The following PRKCZ variants were observed in gnomAD, a reference collection of about 807,000 sequenced individuals.
PRKCZ encodes protein kinase C zeta, also known as protein kinase C zeta type.
In PRKCZ, 33 loss-of-function variants were observed where a neutral mutation model predicts 79.5. The observed-to-expected ratio is 0.41, with a 90% CI of 0.31 to 0.55. PRKCZ has a LOEUF of 0.55. Ranked by LOEUF, PRKCZ falls within the 20% of genes least tolerant of loss-of-function variation. The pLI is 0.19. For synonymous variants in PRKCZ, 342 were observed against 320.9 expected (o/e 1.07, Z -0.70); for missense variants, 578 against 813.5 (o/e 0.71, Z 3.52).
At chr1:2,184,405 T>C in intron 16 of PRKCZ, 178 bp from the exon 17 acceptor site, 1 of 571,550 alleles carries the variant, frequency 1.7e-6, no homozygotes, top group Non-Finnish European at 3.1e-6. Context: ...TTTTTCTGAC[T>C]TTGGATATTT....
At position 2,094,274 on chromosome 1, in the gene PRKCZ, C is replaced by T. The variant is rs962684580; in HGVS notation, c.334+34683C>T. On this transcript the variant is annotated intron_variant, in intron 4 of 17. Transcript: ENST00000378567. This position sits in a 1 kb window ranked among gnomAD's most constrained non-coding sequence, Gnocchi z 7.3. ...CTGGTGACCCGAGGGTACCCTCGGC[C>T]TCCCGGCCTGAACTCTTCTCCTACC... is the stretch of plus-strand genomic sequence containing the variant. Among the ~76,000 whole-genome samples, 2 of 152,186 alleles carry T rather than the reference C, an allele frequency of 1.3e-5. No individual in the cohort carries two copies. Among genetic ancestry groups the T allele is most frequent in the Non-Finnish European group, 2.9e-5 (2 of 68,038 alleles).
intron 10 of PRKCZ, chr1:2,169,097 C>T (rs1294179656): frequency 8.8e-6 from 4 of 455,088 alleles, no homozygotes; most frequent in South Asian, 4.7e-5. Context: ...GGCCTTGAGG[C>T]CACCCCACCC....
At chr1:2,093,665 C>CGA (rs1665912992) in intron 4 of PRKCZ, among the ~76,000 whole-genome samples, 1 of 152,114 alleles carries the variant, frequency 6.6e-6, no homozygotes, top group Admixed American at 6.5e-5. Flanking sequence ...CCTGTACCCT[C>CGA]TAAGTTGGGA....
chr1:2,175,285 C>T lies in PRKCZ; in HGVS notation c.1547C>T (p.Ala516Val), dbSNP rs757007704. Residue 516 changes from alanine (A) to valine (V), a missense_variant, in exon 16 of 18, where the codon GCG becomes GTG. Around this residue, in one of 4 missense-constraint regions of PRKCZ, gnomAD observed 243 missense variants for 467.0 expected, o/e 0.52. Coordinates refer to ENST00000378567, the MANE Select transcript of PRKCZ (RefSeq NM_002744.6). ...QTGFSDIKSH[A>V]FFRSIDWDLL... is the part of the protein sequence containing the mutation. ...GGATTTTCTGACATCAAGTCCCACG[C>T]GTTCTTCCGCAGCATAGACTGGGAC... The T allele has an allele frequency of 1.3e-5, 21 of 1,613,620 alleles. No individual in the cohort carries two copies. Among genetic ancestry groups the T allele is most frequent in the South Asian group, 9.9e-5 (9 of 91,076 alleles).
Position 2,055,057 on chromosome 1 carries a change from C to T in PRKCZ, c.72-384C>T, listed in dbSNP as rs544016315. Among the ~76,000 whole-genome samples, 9 of 152,106 alleles carry T rather than the reference C, an allele frequency of 5.9e-5. No homozygotes were observed. In the East Asian group the frequency reaches 7.7e-4, roughly 13 times the overall value. On this transcript the variant is annotated intron_variant, in intron 1 of 17. Coordinates refer to ENST00000378567, the MANE Select transcript of PRKCZ (RefSeq NM_002744.6). ...TCCCGGGTTCACGCCATTCTCTTGC[C>T]TCAGCCTCCCGAGTAGCTGGGACTA...
In PRKCZ at chr1:2,150,802, G is replaced by A. The variant is rs1679745552; in HGVS notation, c.700G>A (p.Val234Ile). Residue 234 changes from valine (V) to isoleucine (I), a missense_variant, in exon 9 of 18, where the codon GTT becomes ATT. Transcript: ENST00000378567. ...TCTCCCTCCCTAGGACCTTAAGCCA[G>A]TTATCGATGGGATGGATGGAATCAA... ...IKDDSEDLKP[V>I]IDGMDGIKIS... 1.2e-6 allele frequency: 2 copies of A among 1,614,016 alleles called. No individual in the cohort carries two copies. Among genetic ancestry groups the A allele is most frequent in the Non-Finnish European group, 1.7e-6 (2 of 1,179,926 alleles).
intron 3 of PRKCZ, 23 bp from the exon 4 acceptor site, chr1:2,059,518 G>A: frequency 1.2e-6 from 2 of 1,614,000 alleles, no homozygotes; most frequent in South Asian, 1.1e-5. Context: ...TCTTGACGCT[G>A]TCTCTTTCTC....
At chr1:2,175,764 A>C (rs1685374726) in intron 16 of PRKCZ, among the ~76,000 whole-genome samples, 1 of 152,152 alleles carries the variant, frequency 6.6e-6, no homozygotes, top group Middle Eastern at 3.4e-3. Context: ...ATGGGGAGAC[A>C]CATTTCGTCC....
rs1157440592 is a variant in PRKCZ at position 2,174,986 on chromosome 1, C to G, written c.1485+153C>G. 6.6e-6 allele frequency among the ~76,000 whole-genome samples: 1 copy of G among 152,174 alleles called. No individual in the cohort carries two copies. Among genetic ancestry groups the G allele is most frequent in the African/African-American group, 2.4e-5 (1 of 41,426 alleles). ...CGCTTCAGTATTTGAGCTCTGTGTTCTGTGAATCGTCCGTTTTTACTCACA... is the reference window on the plus strand; with the variant it reads ...CGCTTCAGTATTTGAGCTCTGTGTTGTGTGAATCGTCCGTTTTTACTCACA... On this transcript the variant is annotated intron_variant, in intron 15 of 17. Coordinates refer to ENST00000378567, the MANE Select transcript of PRKCZ (RefSeq NM_002744.6). The surrounding 1 kb of genome is among the most constrained non-coding windows in gnomAD (Gnocchi z 6.2).
chr1:2,090,875 T>A (rs1389298563), intron 4 of PRKCZ, among the ~76,000 whole-genome samples: 2 of 152,216 alleles, frequency 1.3e-5, no homozygotes, highest in Admixed American at 1.3e-4. Context: ...TTAATTTAGC[T>A]CTCCCTGTGG....
intron 4 of PRKCZ, among the ~76,000 whole-genome samples, chr1:2,068,934 C>G (rs532388588): frequency 6.6e-6 from 1 of 152,164 alleles, no homozygotes; most frequent in Non-Finnish European, 1.5e-5. Context: ...ACGCCCCTTT[C>G]GGACCCCTCT....
At chr1:2,052,722 GAC>G (rs1200079075) in intron 1 of PRKCZ, among the ~76,000 whole-genome samples, 1 of 152,182 alleles carries the variant, frequency 6.6e-6, no homozygotes, top group Non-Finnish European at 1.5e-5. Flanking sequence ...TTAGGGCAAT[GAC>G]ACAGTTCCAG....
chr1:2,158,334 T>C (rs1463262302), intron 10 of PRKCZ, among the ~76,000 whole-genome samples: 1 of 152,228 alleles, frequency 6.6e-6, no homozygotes, highest in Admixed American at 6.5e-5. Context: ...CCCCAGTTGC[T>C]TCTGGGGTAA....
Position 2,174,866 on chromosome 1 carries a change from T to G in PRKCZ, c.1485+33T>G, listed in dbSNP as rs772423273. The G allele has an allele frequency of 4.4e-6, 7 of 1,603,628 alleles. No individual in the cohort carries two copies. The African/African-American group carries it at 8.0e-5, about 18-fold the overall frequency. ...TCTGGCCATGCTGACAAAATCTCGTTTGTGGCCTCGGTGTTGGTGGGCAGA... is the reference window on the plus strand; with the variant it reads ...TCTGGCCATGCTGACAAAATCTCGTGTGTGGCCTCGGTGTTGGTGGGCAGA... On this transcript the variant is annotated intron_variant, in intron 15 of 17. Transcript: ENST00000378567. The surrounding 1 kb of genome is among the most constrained non-coding windows in gnomAD (Gnocchi z 6.2).
chr1:2,074,414 G>A, intron 4 of PRKCZ: 4 of 1,245,018 alleles, frequency 3.2e-6, no homozygotes, highest in African/African-American at 1.6e-5. Flanking sequence ...CACTGTGGCC[G>A]ATGCTTTTTG....
At chr1:2,099,873 AC>A (rs1467742692) in intron 4 of PRKCZ, among the ~76,000 whole-genome samples, 1 of 152,192 alleles carries the variant, frequency 6.6e-6, no homozygotes, top group Non-Finnish European at 1.5e-5. Flanking sequence ...CCCTTGAAAT[AC>A]GTTTTTTAAA....
intron 4 of PRKCZ, among the ~76,000 whole-genome samples, chr1:2,081,897 C>G (rs1376032513): frequency 6.6e-6 from 1 of 152,148 alleles, no homozygotes; most frequent in Non-Finnish European, 1.5e-5. Flanking sequence ...TGAGAGGTGA[C>G]AAAGGCAGAA....
intron 9 of PRKCZ, among the ~76,000 whole-genome samples, chr1:2,155,074 G>C (rs965310729): frequency 1.3e-5 from 2 of 152,226 alleles, no homozygotes; most frequent in Admixed American, 6.5e-5. Context: ...AACCAGAGCT[G>C]GTAGCTTTGG....
intron 4 of PRKCZ, among the ~76,000 whole-genome samples, chr1:2,133,244 C>T (rs1675355181): frequency 6.6e-6 from 1 of 151,300 alleles, no homozygotes; most frequent in African/African-American, 2.4e-5. Flanking sequence ...CTCCGCCCCC[C>T]AGCTGCGCGG....
Sources: gnomAD v4.1 joint callset for allele counts (sites outside exome capture counted in the v4.1 genomes callset) on GRCh38, gnomAD v4.1.1 for gene constraint, gnomAD v4.1.1 regional missense constraint, Gnocchi (gnomAD v3.1) non-coding constraint, MANE v1.5 for transcripts, NCBI Gene and HGNC (gene_info 2026-07-23, HGNC 2026-07-21) for gene names.